ACER1: variants seen among roughly 807,000 people sequenced by gnomAD.
ACER1 encodes the protein CTB-180A7.3.
Under a neutral mutation model 24.9 loss-of-function variants are expected in ACER1, and 28 were observed. The ratio of observed to expected loss-of-function variants is 1.13; its 90% CI spans 0.83 to 1.54. The LOEUF (loss-of-function observed/expected upper bound fraction) is 1.54, where lower values mean the gene tolerates loss of function less well. Among genes scored for constraint, ACER1 ranks in the 40% most tolerant of loss-of-function variants. The pLI is 0.00. For missense variants in ACER1, 352 were observed against 349.3 expected, an observed-to-expected ratio of 1.01 and a Z score of -0.06; for synonymous variants, 132 against 131.4, an observed-to-expected ratio of 1.00 and a Z score of -0.03.
intron 4 of ACER1, 98 bp from the exon 5 acceptor site, chr19:6,307,388 T>C (rs2144993607): frequency 1.4e-6 from 2 of 1,417,214 alleles, no homozygotes; most frequent in Non-Finnish European, 1.9e-6. Context: ...GGCTCAGAGG[T>C]TGGGAGAAGG....
At chr19:6,355,863 C>T in the ACER1 span, among the ~76,000 whole-genome samples, 4 of 149,300 alleles carry the variant, frequency 2.7e-5, no homozygotes, top group African/African-American at 7.6e-5. Context: ...GTCAGCCCCC[C>T]GCCCGGCCAG....
At chr19:6,324,910 A>AGGAAGGAG (rs1469686284) in intron 1 of ACER1, among the ~76,000 whole-genome samples, 1,798 of 145,350 alleles carry the variant, frequency 0.012, 37 homozygotes, top group African/African-American at 0.044. Flanking sequence ...GAAGGAAGGA[A>AGGAAGGAG]GGAGGAAGGA....
At chr19:6,360,199 A>G in the ACER1 span, 2 of 152,124 alleles carry the variant, frequency 1.3e-5, no homozygotes, top group Non-Finnish European at 2.9e-5. Flanking sequence ...TCTGATCTCC[A>G]GGAAGAATCC....
chr19:6,355,287 G>A, the ACER1 span, among the ~76,000 whole-genome samples: 115 of 144,204 alleles, frequency 8.0e-4, no homozygotes, highest in Middle Eastern at 7.6e-3. Context: ...GCCGCCCATC[G>A]TCTGGGACGT....
At chr19:6,346,696 C>G in the ACER1 span, among the ~76,000 whole-genome samples, 8,190 of 151,632 alleles carry the variant, frequency 0.054, 360 homozygotes, top group African/African-American at 0.12. Context: ...GGCTGTCCAC[C>G]AGCCATCTAC....
At chr19:6,358,177 CCCT>C in the ACER1 span, among the ~76,000 whole-genome samples, 3 of 152,298 alleles carry the variant, frequency 2.0e-5, no homozygotes, top group African/African-American at 4.8e-5. Flanking sequence ...ACAGCAGCTG[CCCT>C]CCTACCTCCT....
Position 6,332,665 on chromosome 19 carries a change from G to A in ACER1, c.93+794C>T, listed in dbSNP as rs2091693920. ...TCCAGAACTGAGGAGTTTCTCAGGA[G>A]GTGGGACTTTTTTTCTTCTTTTTTT... On this transcript the variant is annotated intron_variant, in intron 1 of 5. Transcript: ENST00000301452. Among the ~76,000 whole-genome samples, 4 of 151,754 alleles carry A rather than the reference G, an allele frequency of 2.6e-5. No individual in the cohort carries two copies. The South Asian group carries it at 8.3e-4, about 32-fold the overall frequency.
At chr19:6,336,819 C>CAAAAA, upstream of ACER1, among the ~76,000 whole-genome samples, 1 of 67,790 alleles carries the variant, frequency 1.5e-5, no homozygotes, top group African/African-American at 4.7e-5. Context: ...GACCCCGACT[C>CAAAAA]AAAAAAAAAA....
intron 1 of ACER1, among the ~76,000 whole-genome samples, chr19:6,317,168 T>C (rs1423919675): frequency 6.6e-6 from 1 of 151,978 alleles, no homozygotes; most frequent in Admixed American, 6.6e-5. Context: ...GAGACGGGGT[T>C]TCACCATGTT....
At chr19:6,337,118 G>A (rs149984431), upstream of ACER1, among the ~76,000 whole-genome samples, 7,429 of 151,474 alleles carry the variant, frequency 0.049, 270 homozygotes, top group African/African-American at 0.11. Flanking sequence ...GGAGGTTGCA[G>A]TGAGCCGAGA....
At chr19:6,310,013 G>A (rs1393403016) in intron 3 of ACER1, among the ~76,000 whole-genome samples, 179 bp from the exon 4 acceptor site, 1 of 152,052 alleles carries the variant, frequency 6.6e-6, no homozygotes, top group Non-Finnish European at 1.5e-5. Flanking sequence ...TGTAATCCCA[G>A]CACCTTGGGA....
chr19:6,339,540 G>T, the ACER1 span, among the ~76,000 whole-genome samples: 2 of 152,200 alleles, frequency 1.3e-5, no homozygotes, highest in Admixed American at 6.5e-5. Context: ...GGGGATGGTG[G>T]TGATGGCTGC....
chr19:6,333,310 A>C, intron 1 of ACER1, 149 bp downstream of exon 1: 1 of 568,766 alleles, frequency 1.8e-6, no homozygotes, highest in Non-Finnish European at 2.9e-6. Context: ...TAAATGAATG[A>C]AAGCTGGCAC....
chr19:6,315,448 C>T (rs771791572), intron 1 of ACER1, among the ~76,000 whole-genome samples: 4 of 151,920 alleles, frequency 2.6e-5, no homozygotes, highest in East Asian at 1.9e-4. Context: ...GGCGCGATCT[C>T]GGCTCACTGC....
chr19:6,310,793 G>T (rs1009463076), intron 3 of ACER1, among the ~76,000 whole-genome samples: 1 of 149,270 alleles, frequency 6.7e-6, no homozygotes, highest in Non-Finnish European at 1.5e-5. Flanking sequence ...GGCAGGGATC[G>T]CTTGAGCCTG....
the ACER1 span, among the ~76,000 whole-genome samples, chr19:6,349,444 G>A: frequency 1.4e-5 from 2 of 139,568 alleles, no homozygotes; most frequent in African/African-American, 5.5e-5. Flanking sequence ...AAGGAAGGGA[G>A]GAAAGAAGGA....
intron 1 of ACER1, among the ~76,000 whole-genome samples, chr19:6,320,997 T>C (rs2091627887): frequency 6.6e-6 from 1 of 152,028 alleles, no homozygotes; most frequent in Non-Finnish European, 1.5e-5. Flanking sequence ...TTGTTTTTTT[T>C]TTTTTAACAT....
chr19:6,324,912 G>GAAGA (rs1318452582), intron 1 of ACER1, among the ~76,000 whole-genome samples: 1 of 121,904 alleles, frequency 8.2e-6, no homozygotes, highest in South Asian at 2.4e-4. Context: ...AGGAAGGAAG[G>GAAGA]AGGAAGGAAG....
intron 1 of ACER1, among the ~76,000 whole-genome samples, chr19:6,323,541 G>A (rs1299297992): frequency 6.6e-6 from 1 of 152,172 alleles, no homozygotes; most frequent in Non-Finnish European, 1.5e-5. Context: ...ATGATTGTGA[G>A]GCCTCCCCAG....
Sources: allele counts gnomAD v4.1 joint callset (sites outside exome capture counted in the v4.1 genomes callset), GRCh38; gene constraint gnomAD v4.1.1; transcripts MANE v1.5; gene names NCBI Gene and HGNC (gene_info 2026-07-23, HGNC 2026-07-21).